The following SIM1 variants were observed in gnomAD, a reference collection of about 807,000 sequenced individuals.
SIM1 encodes SIM bHLH transcription factor 1.
Under a neutral mutation model 78.2 loss-of-function variants are expected in SIM1, and 18 were observed. That is an observed-to-expected ratio of 0.23 (90% CI 0.16 to 0.34). The LOEUF (loss-of-function observed/expected upper bound fraction) is 0.34. Among genes scored for constraint, SIM1 ranks in the 10% least tolerant of loss-of-function variants. SIM1 has a pLI of 1.00. For missense variants in SIM1, 939 were observed against 975.1 expected, an observed-to-expected ratio of 0.96 and a Z score of 0.49; for synonymous variants, 417 against 385.2, an observed-to-expected ratio of 1.08 and a Z score of -0.97.
At chr6:100,423,918 C>G (rs1425236786) in intron 9 of SIM1, among the ~76,000 whole-genome samples, 1 of 152,150 alleles carries the variant, frequency 6.6e-6, no homozygotes, top group East Asian at 1.9e-4. Context: ...TCTAGACAGA[C>G]AGTAAGAATT....
intron 9 of SIM1, among the ~76,000 whole-genome samples, chr6:100,422,177 G>C (rs1371265176): frequency 6.6e-6 from 1 of 151,854 alleles, no homozygotes; most frequent in African/African-American, 2.4e-5. Flanking sequence ...ATTTTTAATA[G>C]TCTTTGGATT....
At chr6:100,445,656 T>C (rs886844862) in intron 9 of SIM1, among the ~76,000 whole-genome samples, 6 of 152,230 alleles carry the variant, frequency 3.9e-5, no homozygotes, top group African/African-American at 1.4e-4. Flanking sequence ...ATCATTTATA[T>C]GGGTCTGTGT....
chr6:100,445,637 T>C (rs1772333498), intron 9 of SIM1, among the ~76,000 whole-genome samples: 1 of 152,188 alleles, frequency 6.6e-6, no homozygotes, highest in Non-Finnish European at 1.5e-5. Flanking sequence ...AGGTCTAACT[T>C]GCATTTGGAT....
At chr6:100,457,617 G>A (rs1772703284) in intron 2 of SIM1, among the ~76,000 whole-genome samples, 3 of 152,210 alleles carry the variant, frequency 2.0e-5, no homozygotes, top group African/African-American at 7.2e-5. Flanking sequence ...GGGCGCCTCC[G>A]CAGCCGAGCT....
At chr6:100,462,177 A>T (rs1244078819) in intron 2 of SIM1, among the ~76,000 whole-genome samples, 1 of 152,076 alleles carries the variant, frequency 6.6e-6, no homozygotes, top group Non-Finnish European at 1.5e-5. Flanking sequence ...CACAAACCCC[A>T]AACATCTAAA....
chr6:100,447,804 G>A (rs1391906008), intron 8 of SIM1, among the ~76,000 whole-genome samples: 4 of 152,248 alleles, frequency 2.6e-5, no homozygotes, highest in East Asian at 1.9e-4. Flanking sequence ...AAAGCCAGGC[G>A]AGTCAACGCA....
At chr6:100,414,324 C>T (rs745617367) in intron 10 of SIM1, among the ~76,000 whole-genome samples, 9 of 152,154 alleles carry the variant, frequency 5.9e-5, no homozygotes, top group Non-Finnish European at 1.2e-4. Context: ...CCAACTAGAC[C>T]CTAGTCGCTT....
At chr6:100,420,657 AC>A (rs1771552820) in intron 10 of SIM1, 132 bp downstream of exon 10, 1 of 838,206 alleles carries the variant, frequency 1.2e-6, no homozygotes, top group Non-Finnish European at 1.9e-6. Context: ...AGTTTAGAGA[AC>A]CTTCCAGATT....
intron 10 of SIM1, among the ~76,000 whole-genome samples, chr6:100,403,700 G>A (rs1770985130): frequency 6.6e-6 from 1 of 152,168 alleles, no homozygotes. Flanking sequence ...GAAAAGAACT[G>A]TGATGTATTA....
chr6:100,451,487 C>A (rs1772511979), intron 3 of SIM1, among the ~76,000 whole-genome samples: 1 of 152,148 alleles, frequency 6.6e-6, no homozygotes, highest in South Asian at 2.1e-4. Flanking sequence ...AGAGTTCTAA[C>A]AGGTTTCTAA....
At chr6:100,458,006 T>TC (rs1772719502) in intron 2 of SIM1, among the ~76,000 whole-genome samples, 1 of 90,250 alleles carries the variant, frequency 1.1e-5, no homozygotes, top group African/African-American at 4.2e-5. Context: ...GTCTCTCTCT[T>TC]TCTCTCTCTC....
intron 10 of SIM1, among the ~76,000 whole-genome samples, chr6:100,404,886 G>A (rs184491255): frequency 1.9e-4 from 29 of 152,216 alleles, no homozygotes; most frequent in African/African-American, 4.1e-4. Flanking sequence ...CTGTGATAAC[G>A]TAGCTGAACA....
In SIM1 at chr6:100,389,227, A is replaced by T. The variant is rs544958260; in HGVS notation, c.*1134T>A. ...TTTACAAACAATAAGGAAAATAAAC[A>T]TTTTGCCTATTCCTTCAGAGTACTG... On this transcript the variant is annotated 3_prime_UTR_variant, in exon 12 of 12. Coordinates refer to ENST00000369208, the MANE Select transcript of SIM1 (RefSeq NM_005068.3). 4.6e-5 allele frequency: 8 copies of T among 172,382 alleles called. No homozygotes were observed. The East Asian group carries it at 1.2e-3, about 27-fold the overall frequency. 10.7% of individuals were successfully genotyped at this position (172,382 alleles called of 1,614,324 possible).
At position 100,405,263 on chromosome 6, in the gene SIM1, C is replaced by T. The variant is rs190510132; in HGVS notation, c.1168-11374G>A. ...TTCAAGAAAAGTTGGAGAATATATT[C>T]TAAAAGAAAAATTACATCAACCTTG... On this transcript the variant is annotated intron_variant, in intron 10 of 11. Transcript: ENST00000369208. Among the ~76,000 whole-genome samples, 412 of 151,878 alleles carry T rather than the reference C, an allele frequency of 2.7e-3. 6 individuals carry two copies. Among genetic ancestry groups the T allele is most frequent in the African/African-American group, 9.4e-3 (390 of 41,442 alleles).
chr6:100,423,775 T>C (rs1771654578), intron 9 of SIM1, among the ~76,000 whole-genome samples: 1 of 152,200 alleles, frequency 6.6e-6, no homozygotes, highest in Non-Finnish European at 1.5e-5. Flanking sequence ...TACCTGCCAT[T>C]AGACATCAGT....
intron 6 of SIM1, among the ~76,000 whole-genome samples, chr6:100,449,074 C>T (rs1288621683): frequency 2.6e-5 from 4 of 152,358 alleles, no homozygotes; most frequent in African/African-American, 9.6e-5. Flanking sequence ...GTTACTCGCC[C>T]ATTCAGAGGC....
chr6:100,464,311 CT>C (rs1432676138), intron 1 of SIM1, among the ~76,000 whole-genome samples: 1 of 152,210 alleles, frequency 6.6e-6, no homozygotes, highest in Non-Finnish European at 1.5e-5. Context: ...GGCCTTTCAG[CT>C]CCCTACCTTG....
rs1217153562 is a variant in SIM1 at position 100,450,326 on chromosome 6, G to T, written c.289C>A (p.Pro97Thr). ...GAGATGTACATGATCTTCCCATCTG[G>T]GGCTACCACGAAGATGAAGCCATCC... ...TLDGFIFVVA[P>T]DGKIMYISET... The change falls in exon 4 of 12, where the codon CCA becomes ACA. Residue 97 changes from proline (P) to threonine (T), a missense_variant. Physicochemically the swap from Pro to Thr is conservative, Grantham distance 38 (BLOSUM62 -1). This residue lies in a region of SIM1 where 121 missense variants were observed against 124.6 expected (regional missense o/e 0.97). Transcript: ENST00000369208. 17 of 1,613,914 alleles carry T rather than the reference G, an allele frequency of 1.1e-5. No homozygotes were observed. The highest frequency in any genetic ancestry group is 1.4e-5 in the Non-Finnish European group (16 of 1,180,018).
intron 9 of SIM1, among the ~76,000 whole-genome samples, chr6:100,436,795 G>C (rs1432166998): frequency 6.7e-6 from 1 of 148,992 alleles, no homozygotes; most frequent in Non-Finnish European, 1.5e-5. Flanking sequence ...CTGGAGTGCA[G>C]TGACACGATC....
Sources: allele counts gnomAD v4.1 joint callset (sites outside exome capture counted in the v4.1 genomes callset), GRCh38; gene constraint gnomAD v4.1.1; regional missense constraint gnomAD v4.1.1; transcripts MANE v1.5; gene names NCBI Gene and HGNC (gene_info 2026-07-23, HGNC 2026-07-21).